SLC5A12: variants seen among roughly 807,000 people sequenced by gnomAD.
SLC5A12 encodes the protein sodium-coupled monocarboxylate transporter 2.
SLC5A12 carries 46 observed loss-of-function variants against 72.7 expected under a neutral mutation model. The ratio of observed to expected loss-of-function variants is 0.63; its 90% CI spans 0.50 to 0.81. SLC5A12 has a LOEUF of 0.81. Among genes scored for constraint, SLC5A12 ranks in the 30% least tolerant of loss-of-function variants. The pLI is 0.00. For synonymous variants in SLC5A12, 275 were observed against 264.4 expected, an observed-to-expected ratio of 1.04 and a Z score of -0.39; for missense variants, 683 against 740.7, an observed-to-expected ratio of 0.92 and a Z score of 0.90.
At chr11:26,690,047 C>T (rs914762138) in intron 9 of SLC5A12, among the ~76,000 whole-genome samples, 1 of 151,996 alleles carries the variant, frequency 6.6e-6, no homozygotes, top group Non-Finnish European at 1.5e-5. Context: ...ACATAAAATA[C>T]AAAATACAAC....
chr11:26,704,680 G>T (rs1855043132), intron 4 of SLC5A12, among the ~76,000 whole-genome samples: 1 of 152,088 alleles, frequency 6.6e-6, no homozygotes, highest in Non-Finnish European at 1.5e-5. Context: ...GACAGATAGA[G>T]GTAAGGTAGA....
chr11:26,694,195 CA>C (rs547794010), intron 8 of SLC5A12, among the ~76,000 whole-genome samples: 97 of 152,276 alleles, frequency 6.4e-4, no homozygotes, highest in Non-Finnish European at 9.6e-4. Context: ...CCCTACCTCT[CA>C]ACCACTATCT....
intron 12 of SLC5A12, 106 bp downstream of exon 12, chr11:26,680,949 A>T (rs905985205): frequency 9.2e-7 from 1 of 1,089,222 alleles, no homozygotes. Context: ...TGAGTCTCAT[A>T]AGAGAACAAG....
At chr11:26,678,852 C>T (rs757465375) in intron 12 of SLC5A12, 37 bp from the exon 13 acceptor site, 1 of 1,413,388 alleles carries the variant, frequency 7.1e-7, no homozygotes, top group Non-Finnish European at 9.9e-7. Context: ...TTCCATGCAT[C>T]CTAAAGACCC....
At chr11:26,698,575 C>T in intron 6 of SLC5A12, 40 bp from the exon 7 acceptor site, 2 of 1,607,018 alleles carry the variant, frequency 1.2e-6, no homozygotes, top group Non-Finnish European at 1.7e-6. Flanking sequence ...GCCTGTATAC[C>T]ATATCATACT....
At chr11:26,700,436 G>T (rs1854929935) in intron 6 of SLC5A12, among the ~76,000 whole-genome samples, 1 of 152,066 alleles carries the variant, frequency 6.6e-6, no homozygotes, top group South Asian at 2.1e-4. Flanking sequence ...TGTAGCTATA[G>T]CAGGAAGCAA....
At chr11:26,722,121 T>C (rs1855495667), upstream of SLC5A12, 1 of 169,388 alleles carries the variant, frequency 5.9e-6, no homozygotes, top group Non-Finnish European at 1.3e-5. Flanking sequence ...AGGTTAAACA[T>C]TTCTGGGAAA....
chr11:26,677,445 T>C, intron 13 of SLC5A12, among the ~76,000 whole-genome samples: 1 of 152,196 alleles, frequency 6.6e-6, no homozygotes, highest in Admixed American at 6.5e-5. Context: ...TAGAAGGAAA[T>C]GTTCAGGCAG....
At chr11:26,715,764 G>T (rs1565204466) in intron 1 of SLC5A12, among the ~76,000 whole-genome samples, 1 of 152,114 alleles carries the variant, frequency 6.6e-6, no homozygotes, top group East Asian at 1.9e-4. Context: ...AAGAACTCAG[G>T]TTAGCCTACA....
chr11:26,697,892 C>CTTTTTTTTTTTTTTTT (rs34284911), intron 7 of SLC5A12, among the ~76,000 whole-genome samples: 1 of 93,970 alleles, frequency 1.1e-5, no homozygotes, highest in Non-Finnish European at 1.9e-5. Context: ...GAGATGCCGT[C>CTTTTTTTTTTTTTTTT]TTTTTTTTTT....
At chr11:26,718,852 A>C (rs1440486349) in intron 1 of SLC5A12, among the ~76,000 whole-genome samples, 2 of 152,152 alleles carry the variant, frequency 1.3e-5, no homozygotes, top group Non-Finnish European at 2.9e-5. Context: ...AGGTAATCCC[A>C]AAATAACCTT....
At chr11:26,678,233 A>G (rs1449898899) in intron 13 of SLC5A12, among the ~76,000 whole-genome samples, 1 of 152,216 alleles carries the variant, frequency 6.6e-6, no homozygotes, top group East Asian at 1.9e-4. Flanking sequence ...AAGGGAAAAG[A>G]ACCACTCTGA....
chr11:26,692,696 T>C, intron 8 of SLC5A12, 95 bp from the exon 9 acceptor site: 1 of 759,800 alleles, frequency 1.3e-6, no homozygotes, highest in Middle Eastern at 2.4e-4. Context: ...AAGGCAGGCC[T>C]CTAGAAAAAA....
chr11:26,722,645 T>A (rs571247118), upstream of SLC5A12, among the ~76,000 whole-genome samples: 12 of 152,298 alleles, frequency 7.9e-5, no homozygotes, highest in South Asian at 2.5e-3. Flanking sequence ...TCTCTTATTT[T>A]CACCAGGTTA....
At chr11:26,709,265 C>T (rs759221134) in intron 4 of SLC5A12, 47 bp downstream of exon 4, 1 of 1,396,194 alleles carries the variant, frequency 7.2e-7, no homozygotes, top group Non-Finnish European at 1.0e-6. Flanking sequence ...GCCCTTATCC[C>T]ATATTAGGAG....
At chr11:26,684,321 T>C (rs1321918042) in intron 10 of SLC5A12, among the ~76,000 whole-genome samples, 1 of 152,064 alleles carries the variant, frequency 6.6e-6, no homozygotes, top group Admixed American at 6.6e-5. Context: ...CCTTCCTTCT[T>C]ACCCAGCATC....
chr11:26,715,257 C>T (rs117766808), intron 1 of SLC5A12, among the ~76,000 whole-genome samples: 3 of 152,130 alleles, frequency 2.0e-5, no homozygotes, highest in African/African-American at 7.2e-5. Context: ...TGTTCCAGTA[C>T]ATGTTGATGG....
At chr11:26,697,920 G>A (rs1228770604) in intron 7 of SLC5A12, among the ~76,000 whole-genome samples, 6 of 106,778 alleles carry the variant, frequency 5.6e-5, no homozygotes, top group Non-Finnish European at 1.1e-4. Flanking sequence ...TTTTTGAGAC[G>A]GAGTCTCACT....
At position 26,669,204 on chromosome 11, in the gene SLC5A12, T is replaced by TTTCTTTCTTTCTTTCTTTCC. The variant is rs1491563808; in HGVS notation, c.*1897_*1898insGGAAAGAAAGAAAGAAAGAA. On this transcript the variant is annotated 3_prime_UTR_variant, in exon 15 of 15. Coordinates refer to ENST00000396005, the MANE Select transcript of SLC5A12 (RefSeq NM_178498.4). ...CTTTCTTCTTTTCTTTCTTTCTTTC[T>TTTCTTTCTTTCTTTCTTTCC]TTCTTTCTTTCTTTCTCTCTCTCCC... 1 of 130,506 alleles carries TTTCTTTCTTTCTTTCTTTCC rather than the reference T, an allele frequency of 7.7e-6. No individual in the cohort carries two copies. The highest frequency in any genetic ancestry group is 1.6e-5 in the Non-Finnish European group (1 of 61,446). The allele number at this position is 130,506 out of a possible 1,614,324, so 8.1% of individuals were successfully genotyped here.
Sources: gnomAD v4.1 joint callset for allele counts (sites outside exome capture counted in the v4.1 genomes callset) on GRCh38, gnomAD v4.1.1 for gene constraint, MANE v1.5 for transcripts, NCBI Gene and HGNC (gene_info 2026-07-23, HGNC 2026-07-21) for gene names.